The following PADI3 variants were observed in gnomAD, a reference collection of about 807,000 sequenced individuals.
The protein encoded by PADI3 is protein-arginine deiminase type-3.
Under a neutral mutation model 71.5 loss-of-function variants are expected in PADI3, and 53 were observed. The observed-to-expected ratio is 0.74, with a 90% CI of 0.59 to 0.93. PADI3 has a LOEUF of 0.93. Among genes scored for constraint, PADI3 ranks in the 40% least tolerant of loss-of-function variants. The pLI is 0.00. For synonymous variants in PADI3, 361 were observed against 347.5 expected (o/e 1.04, Z -0.43); for missense variants, 821 against 868.0 (o/e 0.95, Z 0.68).
At chr1:17,250,300 C>G in intron 1 of PADI3, among the ~76,000 whole-genome samples, 1 of 152,152 alleles carries the variant, frequency 6.6e-6, no homozygotes, top group East Asian at 1.9e-4. Flanking sequence ...TGGGGGCCAC[C>G]CTGTGCACTG....
chr1:17,273,095 T>G (rs2073277393), intron 9 of PADI3, among the ~76,000 whole-genome samples: 1 of 152,198 alleles, frequency 6.6e-6, no homozygotes, highest in Non-Finnish European at 1.5e-5. Flanking sequence ...CATGTCCATG[T>G]TCTCGTTCAC....
chr1:17,257,837 G>T (rs1210496114), intron 1 of PADI3, among the ~76,000 whole-genome samples: 1 of 151,802 alleles, frequency 6.6e-6, no homozygotes, highest in Non-Finnish European at 1.5e-5. Flanking sequence ...GTGTAAACAG[G>T]AGTAATTATC....
At chr1:17,277,589 A>C (rs1279618319) in intron 13 of PADI3, among the ~76,000 whole-genome samples, 1 of 152,196 alleles carries the variant, frequency 6.6e-6, no homozygotes, top group Non-Finnish European at 1.5e-5. Context: ...CCTGTCTCCC[A>C]GCCTCCCTGC....
chr1:17,280,773 G>T lies in PADI3; in HGVS notation c.1738G>T (p.Ala580Ser). The T allele has an allele frequency of 1.9e-6, 3 of 1,614,154 alleles. No individual in the cohort carries two copies. Among genetic ancestry groups the T allele is most frequent in the African/African-American group, 1.3e-5 (1 of 75,056 alleles). The stretch of plus-strand genomic sequence containing the variant: ...GCTCTTCAAGACCGAGAGGAAAAAA[G>T]CAACGGCCTTCTTCCCTGACTTGGT... Reference protein sequence around the residue: ...PQLFKTERKKATAFFPDLVNM... With the variant: ...PQLFKTERKKSTAFFPDLVNM... Residue 580 changes from alanine (A) to serine (S), a missense_variant, in exon 15 of 16, where the codon GCA becomes TCA. Transcript: ENST00000375460.
chr1:17,252,397 CTTCTTTTT>C (rs2072977083), intron 1 of PADI3, among the ~76,000 whole-genome samples: 1 of 62,252 alleles, frequency 1.6e-5, no homozygotes, highest in Non-Finnish European at 4.1e-5. Context: ...TTCTTTTCTT[CTTCTTTTT>C]TTTTTTTTTT....
In PADI3 at chr1:17,283,324, C is replaced by G; in HGVS notation, c.*245C>G. On this transcript the variant is annotated 3_prime_UTR_variant, in exon 16 of 16. Transcript: ENST00000375460. ...AGAAGGACCTCATTTCTTATAGCCT[C>G]TCCTGTGATTCAACACAACCCATGG... The G allele has an allele frequency of 2.0e-6, 1 of 495,064 alleles. No individual in the cohort carries two copies. The highest frequency in any genetic ancestry group is 3.6e-6 in the Non-Finnish European group (1 of 274,870). The allele number at this position is 495,064 out of a possible 1,614,324, so 30.7% of individuals were successfully genotyped here.
intron 15 of PADI3, among the ~76,000 whole-genome samples, chr1:17,282,191 G>C (rs555881953): frequency 3.3e-5 from 5 of 152,294 alleles, no homozygotes; most frequent in Non-Finnish European, 7.3e-5. Context: ...GTTCGCAAGA[G>C]ACAGAGTCCT....
chr1:17,271,218 T>A, intron 9 of PADI3, 40 bp downstream of exon 9: 2 of 1,548,464 alleles, frequency 1.3e-6, no homozygotes, highest in South Asian at 1.1e-5. Context: ...AAGGACGCCA[T>A]CCTGGAGAGA....
rs1395549818 is a variant in PADI3, at chr1:17,283,444, G to A, written c.*365G>A. 14 of 209,700 alleles carry A rather than the reference G, an allele frequency of 6.7e-5. No individual in the cohort carries two copies. Among genetic ancestry groups the A allele is most frequent in the Non-Finnish European group, 9.7e-5 (10 of 103,416 alleles). 13.0% of individuals were successfully genotyped at this position (209,700 alleles called of 1,614,324 possible). A position where few individuals can be genotyped will look rare whatever the true frequency, so the allele number is the denominator to read the frequency against. ...CGTATCTCATCAGCCATCTTGTCCT[G>A]TGCATCCTAACAGAGGAAGGATCCA... On this transcript the variant is annotated 3_prime_UTR_variant, in exon 16 of 16. Transcript: ENST00000375460.
chr1:17,257,057 A>G (rs977211569), intron 1 of PADI3, among the ~76,000 whole-genome samples: 3 of 150,480 alleles, frequency 2.0e-5, no homozygotes, highest in African/African-American at 7.3e-5. Context: ...AAAAAAAAAA[A>G]AAGGCTTCCT....
chr1:17,282,506 T>G (rs1180880541), intron 15 of PADI3, among the ~76,000 whole-genome samples: 1 of 152,120 alleles, frequency 6.6e-6, no homozygotes, highest in Non-Finnish European at 1.5e-5. Flanking sequence ...CTCTGATTGG[T>G]CCATCTTGGA....
rs1242046093 is a variant in PADI3 at position 17,280,818 on chromosome 1, C to T, written c.1761+22C>T. On this transcript the variant is annotated intron_variant, in intron 15 of 15. Transcript: ENST00000375460. ...CTTGGTGAGGGCACTACCCATGACT[C>T]CTTTGCCAAATCAGGCTGCAAACCT... 4 of 1,611,586 alleles carry T rather than the reference C, an allele frequency of 2.5e-6. No individual in the cohort carries two copies. In the African/African-American group the frequency reaches 5.3e-5, roughly 22 times the overall value.
At chr1:17,282,777 C>T in intron 15 of PADI3, 69 bp from the exon 16 acceptor site, 1 of 1,174,798 alleles carries the variant, frequency 8.5e-7, no homozygotes, top group Non-Finnish European at 1.2e-6. Flanking sequence ...AAACCTAGGT[C>T]CTGCAGGTAG....
chr1:17,255,287 C>T (rs1178183405), intron 1 of PADI3, among the ~76,000 whole-genome samples: 3 of 152,230 alleles, frequency 2.0e-5, no homozygotes, highest in Admixed American at 6.5e-5. Context: ...CACCCTACCA[C>T]ATTTTACCCC....
chr1:17,255,366 G>A (rs745803171), intron 1 of PADI3, among the ~76,000 whole-genome samples: 1 of 152,178 alleles, frequency 6.6e-6, no homozygotes, highest in Non-Finnish European at 1.5e-5. Flanking sequence ...GGGGGGTGTG[G>A]GGCTGGGAGA....
rs780932966 is a variant in PADI3 at position 17,267,823 on chromosome 1, G to A, written c.527-14G>A. ...GACTCCCTTGAGTCACTACCACTCT[G>A]TCTGGCTTCACAGACCTGGAAGACA... is the stretch of plus-strand genomic sequence containing the variant. On this transcript the variant is annotated splice_polypyrimidine_tract_variant and intron_variant, in intron 5 of 15. Coordinates refer to ENST00000375460, the MANE Select transcript of PADI3 (RefSeq NM_016233.2). 3.1e-6 allele frequency: 5 copies of A among 1,612,862 alleles called. No homozygotes were observed. The South Asian group carries it at 3.3e-5, about 11-fold the overall frequency.
chr1:17,251,620 C>T (rs545382582), intron 1 of PADI3, among the ~76,000 whole-genome samples: 2 of 152,352 alleles, frequency 1.3e-5, no homozygotes, highest in Admixed American at 6.5e-5. Flanking sequence ...AGAGGTTAAA[C>T]AACTTGTCCA....
rs537076358 is a variant in PADI3 at position 17,257,908 on chromosome 1, T to A, written c.93-1670T>A. ...ATGTACAAAAAGGCTTAGGCAGGCC[T>A]GCCGTGATAAGAGTGCAGAGGCTGG... is the stretch of plus-strand genomic sequence containing the variant. On this transcript the variant is annotated intron_variant, in intron 1 of 15. Coordinates refer to ENST00000375460, the MANE Select transcript of PADI3 (RefSeq NM_016233.2). 1.6e-4 allele frequency among the ~76,000 whole-genome samples: 25 copies of A among 152,334 alleles called. 1 individual carries two copies. In the South Asian group the frequency reaches 2.9e-3, roughly 18 times the overall value.
Position 17,273,457 on chromosome 1 carries a change from C to G in PADI3, c.1155+10C>G. On this transcript the variant is annotated intron_variant, in intron 10 of 15. Coordinates refer to ENST00000375460, the MANE Select transcript of PADI3 (RefSeq NM_016233.2). Reference sequence around the variant, plus strand: ...TTACAAAAGAATCCTGGTGAGTGGTCCCGGCCGCAGCCCACCCCTGAGAGC... The same window carrying G: ...TTACAAAAGAATCCTGGTGAGTGGTGCCGGCCGCAGCCCACCCCTGAGAGC... The G allele has an allele frequency of 1.3e-6, 2 of 1,587,326 alleles. No homozygotes were observed. The highest frequency in any genetic ancestry group is 1.7e-6 in the Non-Finnish European group (2 of 1,156,984).
Sources: allele counts gnomAD v4.1 joint callset (sites outside exome capture counted in the v4.1 genomes callset), GRCh38; gene constraint gnomAD v4.1.1; transcripts MANE v1.5; gene names NCBI Gene and HGNC (gene_info 2026-07-23, HGNC 2026-07-21).